Variants in DLC1 observed in about 807,000 individuals in gnomAD.
The protein encoded by DLC1 is rho GTPase-activating protein 7.
DLC1 carries 54 observed loss-of-function variants against 140.3 expected under a neutral mutation model. That is an observed-to-expected ratio of 0.38 (90% CI 0.31 to 0.48). DLC1 has a LOEUF of 0.48. DLC1 is among the 20% of genes least tolerant of loss of function. DLC1 has a pLI of 0.96. For missense variants in DLC1, 2,536 were observed against 1,907.0 expected (o/e 1.33, Z -6.14); for synonymous variants, 986 against 728.1 (o/e 1.35, Z -5.70).
At chr8:13,417,503 T>C (rs1237655865) in intron 2 of DLC1, among the ~76,000 whole-genome samples, 1 of 151,812 alleles carries the variant, frequency 6.6e-6, no homozygotes, top group Non-Finnish European at 1.5e-5. Flanking sequence ...GAATGATGAT[T>C]TCCAATTTCA....
intron 4 of DLC1, among the ~76,000 whole-genome samples, chr8:13,355,832 C>T (rs980184914): frequency 6.6e-6 from 1 of 151,830 alleles, no homozygotes; most frequent in African/African-American, 2.4e-5. Flanking sequence ...CACCTGTAAT[C>T]CCAGCACTTT....
chr8:13,246,868 T>C (rs929518716), intron 5 of DLC1, among the ~76,000 whole-genome samples: 1 of 152,186 alleles, frequency 6.6e-6, no homozygotes, highest in Non-Finnish European at 1.5e-5. Flanking sequence ...ATAAGGCCAA[T>C]GCACCCCATC....
rs1260302590 is a variant in DLC1, at chr8:13,110,834, A to T, written c.1421-11T>A. The T allele has an allele frequency of 2.5e-6, 4 of 1,613,628 alleles. No individual in the cohort carries two copies. The East Asian group carries it at 8.9e-5, about 36-fold the overall frequency. On this transcript the variant is annotated splice_polypyrimidine_tract_variant and intron_variant, in intron 6 of 17. Coordinates refer to ENST00000276297, the MANE Select transcript of DLC1 (RefSeq NM_182643.3). Reference sequence around the variant, plus strand: ...TGGGGAACAGGAAATCTATGAGAAAAATAAACAGATGTATTTGTTGAGCGC... The same window carrying T: ...TGGGGAACAGGAAATCTATGAGAAATATAAACAGATGTATTTGTTGAGCGC...
chr8:13,327,114 C>G (rs377554698), intron 4 of DLC1, among the ~76,000 whole-genome samples: 1 of 141,528 alleles, frequency 7.1e-6, no homozygotes, highest in Non-Finnish European at 1.5e-5. Flanking sequence ...GCCACCACAC[C>G]CGGCTATTTT....
chr8:13,195,310 C>G (rs1563155321), intron 5 of DLC1, among the ~76,000 whole-genome samples: 1 of 152,132 alleles, frequency 6.6e-6, no homozygotes, highest in Non-Finnish European at 1.5e-5. Context: ...TTGGAGATGG[C>G]AGTCCTTCTG....
intron 1 of DLC1, among the ~76,000 whole-genome samples, chr8:13,563,653 C>T (rs1299385691): frequency 6.6e-6 from 1 of 151,996 alleles, no homozygotes. Flanking sequence ...AGAGGAGAAA[C>T]AGATCTCAAA....
intron 1 of DLC1, among the ~76,000 whole-genome samples, chr8:13,587,544 TAC>T (rs377724474): frequency 0.075 from 10,677 of 141,844 alleles, 545 homozygotes; most frequent in Admixed American, 0.17. Flanking sequence ...AATGTGACTA[TAC>T]ACACACACAC....
chr8:13,439,485 T>C (rs927410361), intron 2 of DLC1, among the ~76,000 whole-genome samples: 114 of 152,278 alleles, frequency 7.5e-4, no homozygotes, highest in African/African-American at 2.5e-3. Context: ...CTTTTCTTTT[T>C]TTTTTTAAAT....
intron 5 of DLC1, among the ~76,000 whole-genome samples, chr8:13,186,597 C>T (rs1249472991): frequency 6.6e-6 from 1 of 152,184 alleles, no homozygotes; most frequent in African/African-American, 2.4e-5. Flanking sequence ...GTTTGAACAT[C>T]CTCCTTTAGC....
rs536199878 is a variant in DLC1, at chr8:13,393,387, A to G, written c.1314+166T>C. Among the ~76,000 whole-genome samples, 431 of 152,328 alleles carry G rather than the reference A, an allele frequency of 2.8e-3. 2 individuals are homozygous for G. Among genetic ancestry groups the G allele is most frequent in the African/African-American group, 0.01 (419 of 41,578 alleles). Reference sequence around the variant, plus strand: ...TACTTGTGTTATCATTTATAAAACAAAAAACATTTTTCTAGGGTTGTACTT... The same window carrying G: ...TACTTGTGTTATCATTTATAAAACAGAAAACATTTTTCTAGGGTTGTACTT... On this transcript the variant is annotated intron_variant, in intron 4 of 17. Coordinates refer to ENST00000276297, the MANE Select transcript of DLC1 (RefSeq NM_182643.3).
chr8:13,499,831 G>C lies in DLC1; in HGVS notation c.241C>G (p.Leu81Val), dbSNP rs3816748. 42,789 of 1,614,030 alleles carry C rather than the reference G, an allele frequency of 0.027. 2,550 individuals carry two copies. The highest frequency in any genetic ancestry group is 0.21 in the East Asian group (9,473 of 44,874). ...RDFPGRPMGHLSKDVDENDSH... is the reference protein window; with the variant it reads ...RDFPGRPMGHVSKDVDENDSH... The stretch of plus-strand genomic sequence containing the variant: ...TCATTTTCGTCCACATCCTTTGAAA[G>C]ATGACCCATTGGCCTCCCAGGAAAA... The change falls in exon 2 of 18, where the codon CTT becomes GTT. Residue 81 changes from leucine to valine, a missense_variant. Physicochemically the swap from Leu to Val is conservative, Grantham distance 32. Transcript: ENST00000276297.
Position 13,460,413 on chromosome 8 carries a change from G to A in DLC1, c.1023+38636C>T, listed in dbSNP as rs377462136. ...TAAGCTCACTGCACGTGTTCTGGGC[G>A]TTCATTCATTCAGTCATCATAAAAG... On this transcript the variant is annotated intron_variant, in intron 2 of 17. Transcript: ENST00000276297. 9.0e-4 allele frequency among the ~76,000 whole-genome samples: 137 copies of A among 152,296 alleles called. 1 individual carries two copies. The highest frequency in any genetic ancestry group is 3.1e-3 in the African/African-American group (130 of 41,558).
At chr8:13,367,968 G>T (rs1296866055) in intron 4 of DLC1, among the ~76,000 whole-genome samples, 1 of 152,172 alleles carries the variant, frequency 6.6e-6, no homozygotes, top group Non-Finnish European at 1.5e-5. Context: ...ACCAATAATT[G>T]TGTGGGGTTT....
At chr8:13,401,334 G>T in intron 3 of DLC1, 136 bp downstream of exon 3, 5 of 1,109,770 alleles carry the variant, frequency 4.5e-6, no homozygotes, top group Non-Finnish European at 6.2e-6. Context: ...AAGTATTTTG[G>T]TTATCTTTAT....
rs36124888 is a variant in DLC1, at chr8:13,487,577, C to CT, written c.1023+11471dup. 6.0e-3 allele frequency among the ~76,000 whole-genome samples: 868 copies of CT among 143,656 alleles called. 4 individuals are homozygous for CT. The highest frequency in any genetic ancestry group is 0.011 in the African/African-American group (446 of 39,254). The allele number at this position is 143,656 out of a possible 152,430, so 94.2% of individuals were successfully genotyped here. ...GTTCTTAGAGTTAGAAAATGTTTTCCTTTTTTTTTTTTTTGAAACGGAGTC... is the reference window on the plus strand; with the variant it reads ...GTTCTTAGAGTTAGAAAATGTTTTCCTTTTTTTTTTTTTTTGAAACGGAGTC... On this transcript the variant is annotated intron_variant, in intron 2 of 17. Transcript: ENST00000276297.
chr8:13,404,176 G>C (rs1837423375), intron 2 of DLC1, among the ~76,000 whole-genome samples: 1 of 152,216 alleles, frequency 6.6e-6, no homozygotes, highest in African/African-American at 2.4e-5. Context: ...GCACTGTTTG[G>C]GGAGCATATT....
intron 5 of DLC1, among the ~76,000 whole-genome samples, chr8:13,131,626 C>G (rs1348356664): frequency 6.6e-6 from 1 of 152,152 alleles, no homozygotes; most frequent in Non-Finnish European, 1.5e-5. Flanking sequence ...TTTCCTTCTG[C>G]GGTGATTAGC....
chr8:13,294,011 A>T (rs1831855807), intron 5 of DLC1, among the ~76,000 whole-genome samples: 1 of 152,324 alleles, frequency 6.6e-6, no homozygotes, highest in African/African-American at 2.4e-5. Context: ...TAGTTCTAGC[A>T]AGGTTTTGTG....
chr8:13,235,773 A>T (rs149628508), intron 5 of DLC1, among the ~76,000 whole-genome samples: 24 of 152,138 alleles, frequency 1.6e-4, no homozygotes, highest in Middle Eastern at 3.4e-3. Flanking sequence ...TAATAAGTTA[A>T]TTTGGACAAA....
Sources: allele counts gnomAD v4.1 joint callset (sites outside exome capture counted in the v4.1 genomes callset), GRCh38; gene constraint gnomAD v4.1.1; transcripts MANE v1.5; gene names NCBI Gene and HGNC (gene_info 2026-07-23, HGNC 2026-07-21).